The following KCNJ6 variants were observed in gnomAD, a reference collection of about 807,000 sequenced individuals.
KCNJ6 encodes potassium inwardly rectifying channel subfamily J member 6.
Under a neutral mutation model 34.2 loss-of-function variants are expected in KCNJ6, and 9 were observed. That is an observed-to-expected ratio of 0.26 (90% CI 0.16 to 0.46). The LOEUF (loss-of-function observed/expected upper bound fraction) is 0.46. Ranked by LOEUF, KCNJ6 falls within the 20% of genes least tolerant of loss-of-function variation. The pLI, the probability that KCNJ6 is intolerant of heterozygous loss-of-function variation, is 1.00. For missense variants in KCNJ6, 236 were observed against 531.3 expected (o/e 0.44, Z 5.46); for synonymous variants, 196 against 207.1 (o/e 0.95, Z 0.46).
chr21:37,660,447 G>A (rs548370728), intron 3 of KCNJ6, among the ~76,000 whole-genome samples: 32 of 152,310 alleles, frequency 2.1e-4, no homozygotes, highest in African/African-American at 7.5e-4. Flanking sequence ...TTCTGGCCCA[G>A]CTGTGAGGTT....
chr21:37,777,788 C>G (rs940790496), intron 2 of KCNJ6, among the ~76,000 whole-genome samples: 2 of 152,198 alleles, frequency 1.3e-5, no homozygotes, highest in South Asian at 4.1e-4. Flanking sequence ...CAACCTGGCT[C>G]TGTCACCAGT....
rs2054256204 is a variant in KCNJ6, at chr21:37,614,529, CATGTCTCT to C, written c.*10622_*10629del. The C allele has an allele frequency of 1.7e-5, 1 of 58,988 alleles. No homozygotes were observed. Among genetic ancestry groups the C allele is most frequent in the African/African-American group, 5.5e-5 (1 of 18,152 alleles). 3.7% of individuals were successfully genotyped at this position (58,988 alleles called of 1,614,324 possible). Reference sequence around the variant, plus strand: ...GTGTCTCTGTATGCATGTGTGTATGCATGTCTCTGTGTATGCGTGTGTGTGTATGCGTG... The same window carrying C: ...GTGTCTCTGTATGCATGTGTGTATGCGTGTATGCGTGTGTGTGTATGCGTG... On this transcript the variant is annotated 3_prime_UTR_variant, in exon 4 of 4. Coordinates refer to ENST00000609713, the MANE Select transcript of KCNJ6 (RefSeq NM_002240.5).
intron 3 of KCNJ6, among the ~76,000 whole-genome samples, chr21:37,696,681 A>G (rs1034360399): frequency 1.3e-5 from 2 of 152,208 alleles, no homozygotes; most frequent in African/African-American, 4.8e-5. Context: ...CAGATTAGAT[A>G]TAGTAGCATT....
chr21:37,914,912 T>A (rs754751854), intron 1 of KCNJ6, among the ~76,000 whole-genome samples: 1 of 122,762 alleles, frequency 8.1e-6, no homozygotes, highest in East Asian at 2.9e-4. Flanking sequence ...ACTGGAGTTG[T>A]GGGGTTTTTT....
At chr21:37,834,059 TA>T (rs950305073) in intron 2 of KCNJ6, among the ~76,000 whole-genome samples, 1 of 152,198 alleles carries the variant, frequency 6.6e-6, no homozygotes, top group African/African-American at 2.4e-5. Flanking sequence ...CACTCTTGTC[TA>T]GGTCCCCAGA....
rs895401807 is a variant in KCNJ6 at position 37,680,340 on chromosome 21, C to G, written c.946+33871G>C. On this transcript the variant is annotated intron_variant, in intron 3 of 3. Coordinates refer to ENST00000609713, the MANE Select transcript of KCNJ6 (RefSeq NM_002240.5). ...CCCCCAGCCCTCCCTGAGACTGAGC[C>G]AGTATCCAAGGATCTTCACTCCTCG... 3.7e-4 allele frequency among the ~76,000 whole-genome samples: 57 copies of G among 152,294 alleles called. 1 individual carries two copies. The highest frequency in any genetic ancestry group is 3.2e-3 in the Admixed American group (49 of 15,302).
chr21:37,624,990 A>G lies in KCNJ6; in HGVS notation c.*169T>C. The G allele has an allele frequency of 1.6e-6, 1 of 612,686 alleles. No individual in the cohort carries two copies. Among genetic ancestry groups the G allele is most frequent in the South Asian group, 2.1e-5 (1 of 48,712 alleles). 38.0% of individuals were successfully genotyped at this position (612,686 alleles called of 1,614,324 possible). A position where few individuals can be genotyped will look rare whatever the true frequency, so the allele number is the denominator to read the frequency against. On this transcript the variant is annotated 3_prime_UTR_variant, in exon 4 of 4. Coordinates refer to ENST00000609713, the MANE Select transcript of KCNJ6 (RefSeq NM_002240.5). The stretch of plus-strand genomic sequence containing the variant: ...TCTACCTTGTCAATCTGAATAACTG[A>G]GAGAGGGCAGGTAGATATTTTACAC...
In KCNJ6 at chr21:37,609,358, A is replaced by G. The variant is rs1294455541; in HGVS notation, c.*15801T>C. 3 of 152,314 alleles carry G rather than the reference A, an allele frequency of 2.0e-5. No individual in the cohort carries two copies. The East Asian group carries it at 5.8e-4, about 29-fold the overall frequency. The allele number at this position is 152,314 out of a possible 1,614,324, so 9.4% of individuals were successfully genotyped here. ...ATGTCCACAAACATGCAACCCCCAA[A>G]CTAGATGCAGTCTTATCTTCAATCG... On this transcript the variant is annotated 3_prime_UTR_variant, in exon 4 of 4. Transcript: ENST00000609713.
chr21:37,733,248 G>T (rs1024150888), intron 2 of KCNJ6, among the ~76,000 whole-genome samples: 1 of 152,114 alleles, frequency 6.6e-6, no homozygotes, highest in African/African-American at 2.4e-5. Context: ...TAAATTCCTG[G>T]CGATACTTGA....
At chr21:37,703,662 C>T (rs868825066) in intron 3 of KCNJ6, among the ~76,000 whole-genome samples, 1 of 152,296 alleles carries the variant, frequency 6.6e-6, no homozygotes, top group South Asian at 2.1e-4. Context: ...TAACACCCTC[C>T]GTGCCCCCTC....
chr21:37,710,286 T>C (rs1569449578), intron 3 of KCNJ6, among the ~76,000 whole-genome samples: 1 of 152,368 alleles, frequency 6.6e-6, no homozygotes, highest in East Asian at 1.9e-4. Context: ...ATGATAGCTA[T>C]GTTTTTAAAA....
intron 1 of KCNJ6, among the ~76,000 whole-genome samples, chr21:37,863,441 A>G (rs2055604680): frequency 6.6e-6 from 1 of 152,212 alleles, no homozygotes. Context: ...GTGGGTACAG[A>G]GAGACTTGAA....
At chr21:37,642,942 T>C (rs2054387714) in intron 3 of KCNJ6, among the ~76,000 whole-genome samples, 1 of 152,212 alleles carries the variant, frequency 6.6e-6, no homozygotes, top group Non-Finnish European at 1.5e-5. Context: ...GCTTATGTGA[T>C]ATTATTGCTC....
intron 1 of KCNJ6, among the ~76,000 whole-genome samples, chr21:37,896,979 G>C (rs2055791803): frequency 6.6e-6 from 1 of 152,220 alleles, no homozygotes; most frequent in South Asian, 2.1e-4. Flanking sequence ...GGCACTGCTG[G>C]GGAGGGCCAG....
At chr21:37,682,119 A>G (rs2045520061) in intron 3 of KCNJ6, among the ~76,000 whole-genome samples, 1 of 152,204 alleles carries the variant, frequency 6.6e-6, no homozygotes, top group Admixed American at 6.5e-5. Flanking sequence ...AGGATGGTGG[A>G]TTAGTTTCCT....
intron 1 of KCNJ6, among the ~76,000 whole-genome samples, chr21:37,861,745 GT>G (rs956045536): frequency 1.3e-5 from 2 of 152,164 alleles, no homozygotes; most frequent in Non-Finnish European, 2.9e-5. Context: ...AGCTGAGAAG[GT>G]ACTTGAGGAA....
intron 3 of KCNJ6, among the ~76,000 whole-genome samples, chr21:37,637,648 G>T (rs1432845265): frequency 3.3e-5 from 5 of 151,948 alleles, no homozygotes; most frequent in African/African-American, 7.3e-5. Flanking sequence ...AACTTCTCTG[G>T]GTCACATAGT....
intron 1 of KCNJ6, among the ~76,000 whole-genome samples, chr21:37,897,299 CAG>C (rs1302534563): frequency 1.3e-5 from 2 of 152,182 alleles, no homozygotes; most frequent in Non-Finnish European, 2.9e-5. Context: ...AGCAGGGAGA[CAG>C]AACAGTGTTG....
At chr21:37,794,342 A>G (rs1446562168) in intron 2 of KCNJ6, among the ~76,000 whole-genome samples, 2 of 152,212 alleles carry the variant, frequency 1.3e-5, no homozygotes, top group Non-Finnish European at 2.9e-5. Context: ...TCTAACCTTG[A>G]GACAATTCCT....
Sources: allele counts gnomAD v4.1 joint callset (sites outside exome capture counted in the v4.1 genomes callset), GRCh38; gene constraint gnomAD v4.1.1; transcripts MANE v1.5; gene names NCBI Gene and HGNC (gene_info 2026-07-23, HGNC 2026-07-21).